Variants in DTD1 observed in about 807,000 individuals in gnomAD.
The protein encoded by DTD1 is D-tyrosyl-tRNA deacylase 1 homolog.
Under a neutral mutation model 25.6 loss-of-function variants are expected in DTD1, and 13 were observed. The ratio of observed to expected loss-of-function variants is 0.51; its 90% CI spans 0.33 to 0.81. DTD1 has a LOEUF of 0.81. Ranked by LOEUF, DTD1 falls within the 30% of genes least tolerant of loss-of-function variation. DTD1 has a pLI of 0.02. For synonymous variants in DTD1, 110 were observed against 103.6 expected, an observed-to-expected ratio of 1.06 and a Z score of -0.37; for missense variants, 193 against 266.4, an observed-to-expected ratio of 0.72 and a Z score of 1.92.
At chr20:18,689,021 G>A (rs368728722) in intron 4 of DTD1, among the ~76,000 whole-genome samples, 27 of 152,302 alleles carry the variant, frequency 1.8e-4, no homozygotes, top group African/African-American at 5.8e-4. Flanking sequence ...GAAACATTGT[G>A]TGCATTTCTA....
At chr20:18,719,235 G>A (rs146023150) in intron 4 of DTD1, among the ~76,000 whole-genome samples, 1,760 of 136,080 alleles carry the variant, frequency 0.013, 17 homozygotes, top group Non-Finnish European at 0.022. Context: ...GTGTGTGTGT[G>A]TATATATATA....
At chr20:18,729,366 G>A (rs1226352188) in intron 4 of DTD1, among the ~76,000 whole-genome samples, 2 of 152,198 alleles carry the variant, frequency 1.3e-5, no homozygotes, top group Admixed American at 6.5e-5. Flanking sequence ...GATAACACAC[G>A]TTCAATTTCT....
chr20:18,708,274 TATAATATATATTA>T (rs2061140487), intron 4 of DTD1, among the ~76,000 whole-genome samples: 1 of 17,932 alleles, frequency 5.6e-5, no homozygotes, highest in Non-Finnish European at 1.3e-4. Context: ...TTTATATATA[TATAATATATATTA>T]TATATATATA....
chr20:18,671,606 T>G (rs1188874378), intron 4 of DTD1, among the ~76,000 whole-genome samples: 1 of 152,248 alleles, frequency 6.6e-6, no homozygotes, highest in Non-Finnish European at 1.5e-5. Context: ...TTTCAGAGGC[T>G]CTGTCATCAC....
chr20:18,742,060 T>C (rs936964095), intron 4 of DTD1, among the ~76,000 whole-genome samples: 1 of 152,112 alleles, frequency 6.6e-6, no homozygotes, highest in African/African-American at 2.4e-5. Flanking sequence ...TTTTGATATA[T>C]GTAGATCTAC....
At chr20:18,656,533 T>C (rs1464992486) in intron 4 of DTD1, among the ~76,000 whole-genome samples, 1 of 152,176 alleles carries the variant, frequency 6.6e-6, no homozygotes, top group Admixed American at 6.5e-5. Context: ...TCTGCTCATG[T>C]TCCCATTCAG....
intron 3 of DTD1, among the ~76,000 whole-genome samples, chr20:18,596,933 AT>A (rs2060614380): frequency 6.6e-6 from 1 of 152,178 alleles, no homozygotes; most frequent in Admixed American, 6.5e-5. Flanking sequence ...ACTGTTGTTC[AT>A]GGCACATCAT....
chr20:18,685,472 G>A (rs1057024643), intron 4 of DTD1, among the ~76,000 whole-genome samples: 1 of 152,202 alleles, frequency 6.6e-6, no homozygotes, highest in Non-Finnish European at 1.5e-5. Context: ...TGTGCAGGGG[G>A]GCAGAGGCGC....
intron 4 of DTD1, chr20:18,675,553 A>C (rs1479796266): frequency 6.6e-6 from 1 of 152,016 alleles, no homozygotes; most frequent in Non-Finnish European, 1.5e-5. Flanking sequence ...ATCCTTGCCA[A>C]ATGTCTCGGG....
intron 4 of DTD1, among the ~76,000 whole-genome samples, chr20:18,681,087 T>C (rs763364975): frequency 1.0e-3 from 159 of 152,126 alleles, no homozygotes; most frequent in Non-Finnish European, 1.7e-3. Flanking sequence ...CAGTGATTTG[T>C]TGTTGTTGTG....
intron 4 of DTD1, among the ~76,000 whole-genome samples, chr20:18,674,087 T>C (rs1463257401): frequency 6.6e-6 from 1 of 152,198 alleles, no homozygotes; most frequent in Admixed American, 6.5e-5. Flanking sequence ...TATCCTACTT[T>C]GGTGATTTTT....
chr20:18,701,541 G>A (rs1321320235), intron 4 of DTD1, among the ~76,000 whole-genome samples: 1 of 152,174 alleles, frequency 6.6e-6, no homozygotes, highest in Non-Finnish European at 1.5e-5. Context: ...AACAGAATGC[G>A]GGTGGTGTGG....
chr20:18,713,577 C>T (rs532456120), intron 4 of DTD1, among the ~76,000 whole-genome samples: 19 of 152,306 alleles, frequency 1.2e-4, no homozygotes, highest in African/African-American at 4.6e-4. Context: ...TTGGAGGATC[C>T]TTAGCCTGGG....
At chr20:18,658,295 C>T (rs1010576072) in intron 4 of DTD1, among the ~76,000 whole-genome samples, 1 of 150,298 alleles carries the variant, frequency 6.7e-6, no homozygotes, top group African/African-American at 2.4e-5. Flanking sequence ...GAATACCAAG[C>T]TATAGCTAGT....
rs145572789 is a variant in DTD1 at position 18,745,829 on chromosome 20, A to G, written c.*19+1558A>G. ...TGGATTTTATCCTGGGGCGGGAGGG[A>G]CCTCTGAAAGGTTTTAAGTGTACAA... On this transcript the variant is annotated intron_variant, in intron 5 of 5. Coordinates refer to ENST00000377452, the MANE Select transcript of DTD1 (RefSeq NM_080820.6). 5.4e-3 allele frequency among the ~76,000 whole-genome samples: 829 copies of G among 152,216 alleles called. 7 individuals carry two copies. Among genetic ancestry groups the G allele is most frequent in the African/African-American group, 0.016 (669 of 41,532 alleles).
At chr20:18,717,209 TA>T (rs1806245784) in intron 4 of DTD1, among the ~76,000 whole-genome samples, 1 of 152,206 alleles carries the variant, frequency 6.6e-6, no homozygotes, top group Non-Finnish European at 1.5e-5. Context: ...GGGAGATAAT[TA>T]GCATCACATG....
At chr20:18,629,766 G>A (rs1007451246) in intron 4 of DTD1, among the ~76,000 whole-genome samples, 1 of 152,048 alleles carries the variant, frequency 6.6e-6, no homozygotes, top group African/African-American at 2.4e-5. Context: ...TGGCTGCAGA[G>A]GCCTCAGGAA....
rs535118251 is a variant in DTD1 at position 18,735,755 on chromosome 20, A to G, written c.478-8345A>G. Among the ~76,000 whole-genome samples the G allele has an allele frequency of 3.1e-4, 47 of 152,282 alleles. 2 individuals are homozygous for G. In the South Asian group the frequency reaches 8.9e-3, roughly 29 times the overall value. On this transcript the variant is annotated intron_variant, in intron 4 of 5. Coordinates refer to ENST00000377452, the MANE Select transcript of DTD1 (RefSeq NM_080820.6). ...GTTGAGTTTTGTGGGACTTATCACA[A>G]AAGTAAACTAGGACATCTATGAGAA...
chr20:18,617,370 A>G (rs1048704600), intron 3 of DTD1, among the ~76,000 whole-genome samples: 12 of 149,178 alleles, frequency 8.0e-5, no homozygotes, highest in African/African-American at 1.5e-4. Flanking sequence ...ATGTGTATAT[A>G]TAATATAATG....
Sources: gnomAD v4.1 joint callset for allele counts (sites outside exome capture counted in the v4.1 genomes callset) on GRCh38, gnomAD v4.1.1 for gene constraint, MANE v1.5 for transcripts, NCBI Gene and HGNC (gene_info 2026-07-23, HGNC 2026-07-21) for gene names.